SVOP: variants seen among roughly 807,000 people sequenced by gnomAD.
SVOP encodes SV2 related protein.
A neutral mutation model predicts 69.1 loss-of-function variants in SVOP; 17 were observed. That is an observed-to-expected ratio of 0.25 (90% confidence interval 0.17 to 0.37). The LOEUF is 0.37. Among genes scored for constraint, SVOP ranks in the 10% least tolerant of loss-of-function variants. SVOP has a pLI of 1.00. For missense variants in SVOP, 435 were observed against 597.5 expected, an observed-to-expected ratio of 0.73 and a Z score of 2.84; for synonymous variants, 238 against 238.6, an observed-to-expected ratio of 1.00 and a Z score of 0.02.
At chr12:108,981,127 A>G (rs1229291802) in intron 2 of SVOP, among the ~76,000 whole-genome samples, 2 of 152,220 alleles carry the variant, frequency 1.3e-5, no homozygotes, top group East Asian at 1.9e-4. Flanking sequence ...AATATCATCC[A>G]CAAGAAGAAC....
chr12:108,960,471 G>A (rs192277394), intron 6 of SVOP, among the ~76,000 whole-genome samples: 73 of 152,118 alleles, frequency 4.8e-4, no homozygotes, highest in Non-Finnish European at 6.8e-4. Flanking sequence ...TCTGCCTTGC[G>A]TTTAGGTAGG....
intron 6 of SVOP, among the ~76,000 whole-genome samples, chr12:108,948,772 C>G (rs993875173): frequency 3.9e-5 from 6 of 152,292 alleles, no homozygotes; most frequent in South Asian, 2.1e-4. Context: ...ATATTCCTTT[C>G]AGTACCTCAC....
chr12:108,953,103 G>A (rs540986133), intron 6 of SVOP, among the ~76,000 whole-genome samples: 27 of 150,002 alleles, frequency 1.8e-4, no homozygotes, highest in South Asian at 4.2e-4. Context: ...ACAGATCAGC[G>A]TAGAGGAATG....
At chr12:108,997,541 C>G (rs1382279355) in intron 1 of SVOP, among the ~76,000 whole-genome samples, 1 of 152,152 alleles carries the variant, frequency 6.6e-6, no homozygotes, top group Non-Finnish European at 1.5e-5. Flanking sequence ...GCAGTAACCT[C>G]TGCAGACTTA....
chr12:108,938,340 A>G (rs1334823928), intron 9 of SVOP, among the ~76,000 whole-genome samples: 2 of 152,130 alleles, frequency 1.3e-5, no homozygotes, highest in East Asian at 1.9e-4. Flanking sequence ...GTGCTCATTA[A>G]GTTTCACCGT....
chr12:108,984,232 G>T (rs1197986744), intron 1 of SVOP, among the ~76,000 whole-genome samples: 3 of 152,094 alleles, frequency 2.0e-5, no homozygotes, highest in East Asian at 3.9e-4. Flanking sequence ...TGCCCAGTCT[G>T]GTCTCAAACT....
intron 7 of SVOP, among the ~76,000 whole-genome samples, chr12:108,943,817 TC>T (rs1247946246): frequency 6.7e-6 from 1 of 148,834 alleles, no homozygotes; most frequent in Admixed American, 6.6e-5. Context: ...CTCCTCCTCC[TC>T]CTGCTCCTCC....
At chr12:108,956,682 C>T (rs767448138) in intron 6 of SVOP, among the ~76,000 whole-genome samples, 3 of 152,200 alleles carry the variant, frequency 2.0e-5, no homozygotes. Flanking sequence ...ACCACCATCA[C>T]CTGAGGGCTC....
At position 108,940,355 on chromosome 12, in the gene SVOP, T is replaced by C. The variant is rs147335881; in HGVS notation, c.768+429A>G. Among the ~76,000 whole-genome samples, 808 of 152,300 alleles carry C rather than the reference T, an allele frequency of 5.3e-3. 8 individuals carry two copies. Among genetic ancestry groups the C allele is most frequent in the African/African-American group, 0.018 (760 of 41,572 alleles). The stretch of plus-strand genomic sequence containing the variant: ...GTAGAGGGTGTGGTTTATGCACAGA[T>C]GAGATGAAGAGATCATTTAAACTCC... On this transcript the variant is annotated intron_variant, in intron 8 of 15. Transcript: ENST00000610966.
chr12:108,992,066 C>T (rs1025213458), intron 1 of SVOP, among the ~76,000 whole-genome samples: 3 of 152,082 alleles, frequency 2.0e-5, no homozygotes, highest in African/African-American at 7.2e-5. Flanking sequence ...CTCTCAAATA[C>T]CCTCCCCCAA....
intron 12 of SVOP, among the ~76,000 whole-genome samples, chr12:108,920,853 T>A (rs2039744371): frequency 6.6e-6 from 1 of 152,120 alleles, no homozygotes; most frequent in Non-Finnish European, 1.5e-5. Context: ...TGCCTTGGCC[T>A]CCCAAAGCAC....
Position 108,919,770 on chromosome 12 carries a change from CAG to C in SVOP, c.1171_1172del (p.Leu391ValfsTer4). On this transcript the variant is annotated frameshift_variant, in exon 13 of 16. Transcript: ENST00000610966. LOFTEE classifies it high-confidence loss of function. ...LSEFPGVLVT[L>X]WIIDRLGRKK... Reference sequence around the variant, plus strand: ...TGCGCCCCAGGCGGTCAATAATCCACAGAGTCACAAGGACACCTGGAAGGGGA... The same window carrying C: ...TGCGCCCCAGGCGGTCAATAATCCACAGTCACAAGGACACCTGGAAGGGGA... The C allele has an allele frequency of 6.3e-7, 1 of 1,598,224 alleles. No homozygotes were observed. The highest frequency in any genetic ancestry group is 8.5e-7 in the Non-Finnish European group (1 of 1,172,456).
intron 5 of SVOP, among the ~76,000 whole-genome samples, chr12:108,971,453 C>CA (rs2137430002): frequency 6.7e-6 from 1 of 149,208 alleles, no homozygotes; most frequent in African/African-American, 2.5e-5. Flanking sequence ...AAAAAAATGT[C>CA]AGTTTGCTTG....
At chr12:108,980,182 T>TA (rs1168931660) in intron 2 of SVOP, among the ~76,000 whole-genome samples, 49,937 of 151,388 alleles carry the variant, frequency 0.33, 8,722 homozygotes, top group African/African-American at 0.44. Context: ...TGTCTCAAAA[T>TA]AAAAAAAATC....
chr12:108,937,019 G>A (rs1278696812), intron 10 of SVOP: 15 of 475,902 alleles, frequency 3.2e-5, no homozygotes, highest in Admixed American at 1.0e-4. Context: ...CTAGGAGAGC[G>A]CCACTGCACT....
At chr12:108,947,288 G>A (rs914207154) in intron 6 of SVOP, among the ~76,000 whole-genome samples, 6 of 151,950 alleles carry the variant, frequency 3.9e-5, no homozygotes, top group Non-Finnish European at 8.8e-5. Context: ...CATTGCTCCT[G>A]GGGTGTCACT....
chr12:108,989,287 C>T (rs1410127089), intron 1 of SVOP, among the ~76,000 whole-genome samples: 3 of 152,182 alleles, frequency 2.0e-5, no homozygotes, highest in Non-Finnish European at 4.4e-5. Flanking sequence ...GTTGGTCAGG[C>T]TGGTCTCAAA....
In SVOP at chr12:109,018,806, T is replaced by A. The variant is rs372644768; in HGVS notation, c.35+2028A>T. ...TTGTTTATATAAATGATTTTTCAGATGTAATAATAGTAATAGCTAATATGC... is the reference window on the plus strand; with the variant it reads ...TTGTTTATATAAATGATTTTTCAGAAGTAATAATAGTAATAGCTAATATGC... On this transcript the variant is annotated intron_variant, in intron 1 of 15. Transcript: ENST00000610966. Among the ~76,000 whole-genome samples, 15 of 152,348 alleles carry A rather than the reference T, an allele frequency of 9.8e-5. No homozygotes were observed. In the East Asian group the frequency reaches 2.3e-3, roughly 23 times the overall value.
chr12:108,976,176 A>G (rs2040105364), intron 4 of SVOP, among the ~76,000 whole-genome samples: 1 of 152,156 alleles, frequency 6.6e-6, no homozygotes. Context: ...TGCCTCACTC[A>G]AGGTCACACT....
Sources: gnomAD v4.1 joint callset for allele counts (sites outside exome capture counted in the v4.1 genomes callset) on GRCh38, gnomAD v4.1.1 for gene constraint, MANE v1.5 for transcripts, NCBI Gene and HGNC (gene_info 2026-07-23, HGNC 2026-07-21) for gene names.